The following NRG1 variants were observed in gnomAD, a reference collection of about 807,000 sequenced individuals.
NRG1 encodes the protein pro-neuregulin-1, membrane-bound isoform.
In NRG1, 18 loss-of-function variants were observed where a neutral mutation model predicts 63.8. The observed-to-expected ratio is 0.28, with a 90% CI of 0.19 to 0.42. The LOEUF is 0.42. Ranked by LOEUF, NRG1 falls within the 10% of genes least tolerant of loss-of-function variation. The pLI is 1.00. For missense variants in NRG1, 762 were observed against 814.7 expected, an observed-to-expected ratio of 0.94 and a Z score of 0.79; for synonymous variants, 302 against 301.3, an observed-to-expected ratio of 1.00 and a Z score of -0.02.
chr8:32,324,257 T>C (rs1801746946), intron 1 of NRG1, among the ~76,000 whole-genome samples: 1 of 152,156 alleles, frequency 6.6e-6, no homozygotes, highest in Non-Finnish European at 1.5e-5. Flanking sequence ...TCTTAGATGG[T>C]CCTTATTGCA....
At chr8:32,707,891 A>C (rs1267171090) in intron 5 of NRG1, among the ~76,000 whole-genome samples, 2 of 151,428 alleles carry the variant, frequency 1.3e-5, no homozygotes, top group Non-Finnish European at 3.0e-5. Flanking sequence ...AAAATTAGAG[A>C]CTCTCTTTCT....
chr8:31,674,735 A>C (rs1807504917), intron 1 of NRG1, among the ~76,000 whole-genome samples: 1 of 152,190 alleles, frequency 6.6e-6, no homozygotes, highest in Admixed American at 6.5e-5. Flanking sequence ...TACTGTAGTC[A>C]ACAGTTACCC....
chr8:31,677,198 G>A (rs760889309), intron 1 of NRG1, among the ~76,000 whole-genome samples: 8 of 152,234 alleles, frequency 5.3e-5, no homozygotes, highest in Non-Finnish European at 1.0e-4. Flanking sequence ...ATCTGGGATA[G>A]GACATCGCTT....
chr8:31,840,020 C>G (rs1013094725), intron 1 of NRG1, among the ~76,000 whole-genome samples: 3 of 152,220 alleles, frequency 2.0e-5, no homozygotes, highest in East Asian at 3.9e-4. Context: ...TGTGAAGGAG[C>G]CTTCCTAAAC....
intron 1 of NRG1, among the ~76,000 whole-genome samples, chr8:32,472,948 C>T (rs759799416): frequency 2.6e-5 from 4 of 152,108 alleles, no homozygotes; most frequent in Non-Finnish European, 5.9e-5. Context: ...ATAGTATTTT[C>T]GCTATGTGTT....
intron 1 of NRG1, among the ~76,000 whole-genome samples, chr8:31,724,338 C>A (rs971011724): frequency 1.3e-5 from 2 of 152,102 alleles, no homozygotes; most frequent in African/African-American, 4.8e-5. Context: ...CTGTCAGAAT[C>A]ATCTACTGTA....
intron 1 of NRG1, among the ~76,000 whole-genome samples, chr8:31,647,140 G>T (rs1804364894): frequency 6.6e-6 from 1 of 152,162 alleles, no homozygotes; most frequent in South Asian, 2.1e-4. Context: ...CAGAAATTTT[G>T]TGTTCTCCTT....
At chr8:32,289,156 A>G (rs1425320482) in intron 1 of NRG1, among the ~76,000 whole-genome samples, 2 of 152,202 alleles carry the variant, frequency 1.3e-5, no homozygotes, top group Non-Finnish European at 2.9e-5. Flanking sequence ...TTATTCGTCA[A>G]TGACTCCTTA....
chr8:31,982,891 AAATTT>A (rs1809400602), intron 1 of NRG1, among the ~76,000 whole-genome samples: 1 of 152,084 alleles, frequency 6.6e-6, no homozygotes, highest in African/African-American at 2.4e-5. Flanking sequence ...GGCAATGTGG[AAATTT>A]ATTCCTGCCG....
rs1816297338 is a variant in NRG1, at chr8:32,020,749, C to T, written c.37+381318C>T. On this transcript the variant is annotated intron_variant, in intron 1 of 10. Coordinates refer to the NRG1 transcript ENST00000519301. ...ACTTATAAAGCAAACACTTGCATTT[C>T]AGAATACCTTTGTATTTCACTTTCA... is the stretch of plus-strand genomic sequence containing the variant. Among the ~76,000 whole-genome samples the T allele has an allele frequency of 3.3e-5, 5 of 152,172 alleles. No homozygotes were observed. The South Asian group carries it at 1.0e-3, about 31-fold the overall frequency.
At chr8:32,318,723 A>G (rs1374147590) in intron 1 of NRG1, among the ~76,000 whole-genome samples, 2 of 152,160 alleles carry the variant, frequency 1.3e-5, no homozygotes, top group African/African-American at 4.8e-5. Context: ...TTATTTGTTG[A>G]TTTACTCAAA....
chr8:32,469,495 C>T (rs569779990), intron 1 of NRG1, among the ~76,000 whole-genome samples: 25 of 152,182 alleles, frequency 1.6e-4, no homozygotes, highest in Non-Finnish European at 3.2e-4. Flanking sequence ...AACTCTGATC[C>T]CCCAAGTCCA....
chr8:32,764,474 A>G, exon 12 of NRG1: 2 of 1,263,094 alleles, frequency 1.6e-6, no homozygotes, highest in Non-Finnish European at 2.1e-6. Flanking sequence ...CTTAAATTAA[A>G]CAATTTATTT....
At chr8:32,628,188 G>T (rs1849632190) in intron 5 of NRG1, among the ~76,000 whole-genome samples, 1 of 152,072 alleles carries the variant, frequency 6.6e-6, no homozygotes, top group Non-Finnish European at 1.5e-5. Context: ...GGAGGAACCT[G>T]CCTTGTCAAA....
intron 1 of NRG1, among the ~76,000 whole-genome samples, chr8:32,302,176 G>A (rs1475354668): frequency 6.6e-6 from 1 of 152,186 alleles, no homozygotes; most frequent in African/African-American, 2.4e-5. Flanking sequence ...TCTTGGGGGT[G>A]CAGGAATTCC....
intron 1 of NRG1, among the ~76,000 whole-genome samples, chr8:32,422,353 A>T (rs1485364488): frequency 6.6e-6 from 1 of 152,186 alleles, no homozygotes; most frequent in Non-Finnish European, 1.5e-5. Context: ...AATATCATTG[A>T]TAGTTTCCCA....
chr8:31,987,320 A>ATGTGTGTGTG (rs545275263), intron 1 of NRG1, among the ~76,000 whole-genome samples: 2,395 of 125,702 alleles, frequency 0.019, 96 homozygotes, highest in African/African-American at 0.065. Flanking sequence ...AAACATATAT[A>ATGTGTGTGTG]TGTGTGTGTG....
At chr8:32,712,467 C>T (rs753424236) in intron 5 of NRG1, among the ~76,000 whole-genome samples, 13 of 152,188 alleles carry the variant, frequency 8.5e-5, no homozygotes, top group African/African-American at 2.6e-4. Flanking sequence ...GCAGCAACTG[C>T]GCATGCTATT....
chr8:32,296,466 T>C (rs1254065945), intron 1 of NRG1, among the ~76,000 whole-genome samples: 1 of 151,694 alleles, frequency 6.6e-6, no homozygotes, highest in Non-Finnish European at 1.5e-5. Flanking sequence ...ATACAAAAAT[T>C]AGCTAGGCAT....
Sources: gnomAD v4.1 joint callset for allele counts (sites outside exome capture counted in the v4.1 genomes callset) on GRCh38, gnomAD v4.1.1 for gene constraint, MANE v1.5 for transcripts, NCBI Gene and HGNC (gene_info 2026-07-23, HGNC 2026-07-21) for gene names.